MCM9: variants seen among roughly 807,000 people sequenced by gnomAD.
MCM9 encodes the protein DNA helicase MCM9.
In MCM9, 55 loss-of-function variants were observed where a neutral mutation model predicts 72.8. That is an observed-to-expected ratio of 0.76 (90% CI 0.61 to 0.95). MCM9 has a LOEUF of 0.95. Ranked by LOEUF, MCM9 falls within the 40% of genes least tolerant of loss-of-function variation. The pLI, the probability that MCM9 is intolerant of heterozygous loss-of-function variation, is 0.00. For missense variants in MCM9, 1,279 were observed against 1,377.0 expected, an observed-to-expected ratio of 0.93 and a Z score of 1.13; for synonymous variants, 480 against 503.4, an observed-to-expected ratio of 0.95 and a Z score of 0.62.
chr6:118,831,719 T>C (rs1455374563), intron 9 of MCM9, among the ~76,000 whole-genome samples: 1 of 152,168 alleles, frequency 6.6e-6, no homozygotes, highest in Non-Finnish European at 1.5e-5. Flanking sequence ...CACTAAATAC[T>C]AAATGAATGA....
Position 118,885,888 on chromosome 6 carries a change from C to T in MCM9, c.1150+25762G>A, listed in dbSNP as rs553137552. Among the ~76,000 whole-genome samples the T allele has an allele frequency of 1.4e-4, 22 of 152,062 alleles. No homozygotes were observed. The Middle Eastern group carries it at 0.021, about 142-fold the overall frequency. On this transcript the variant is annotated intron_variant, in intron 8 of 13. Coordinates refer to ENST00000619706, the MANE Select transcript of MCM9 (RefSeq NM_017696.3). ...GAATACTAAAGATCAATATCACTTA[C>T]GAATACAGATGCAAAAATCCTCAAC... is the stretch of plus-strand genomic sequence containing the variant.
intron 8 of MCM9, among the ~76,000 whole-genome samples, chr6:118,857,309 T>C (rs1213297202): frequency 1.3e-5 from 2 of 152,214 alleles, no homozygotes; most frequent in Non-Finnish European, 2.9e-5. Flanking sequence ...ATTCTCTTCA[T>C]ATGTCTTGTT....
intron 8 of MCM9, among the ~76,000 whole-genome samples, chr6:118,877,991 A>G (rs1333698157): frequency 6.6e-6 from 1 of 152,068 alleles, no homozygotes; most frequent in East Asian, 1.9e-4. Context: ...GTGAGAGTTC[A>G]TCTCTACAAA....
intron 10 of MCM9, among the ~76,000 whole-genome samples, chr6:118,828,442 G>C (rs1774313898): frequency 6.6e-6 from 1 of 151,748 alleles, no homozygotes; most frequent in Admixed American, 6.6e-5. Flanking sequence ...CTGGAGCGCA[G>C]TAGCACGATC....
chr6:118,869,928 C>T (rs1777490125), intron 8 of MCM9, among the ~76,000 whole-genome samples: 1 of 152,078 alleles, frequency 6.6e-6, no homozygotes, highest in Non-Finnish European at 1.5e-5. Context: ...ATAGTAAGAA[C>T]GGTATCCATC....
intron 8 of MCM9, chr6:118,905,759 T>C (rs1263697530): frequency 2.5e-6 from 4 of 1,613,322 alleles, no homozygotes; most frequent in South Asian, 2.2e-5. Flanking sequence ...GAGTTGGCTA[T>C]TATGTAAATA....
chr6:118,934,102 G>A (rs1385450880), intron 1 of MCM9, among the ~76,000 whole-genome samples: 3 of 152,136 alleles, frequency 2.0e-5, no homozygotes, highest in Non-Finnish European at 4.4e-5. Context: ...GAAAAGGGCA[G>A]CAGCAGAATT....
intron 9 of MCM9, among the ~76,000 whole-genome samples, chr6:118,853,619 G>A (rs1262395058): frequency 6.6e-6 from 1 of 152,072 alleles, no homozygotes; most frequent in East Asian, 1.9e-4. Context: ...GGGCAACATA[G>A]CAAGACCCCA....
chr6:118,870,192 A>T (rs1235801426), intron 8 of MCM9, among the ~76,000 whole-genome samples: 1 of 152,128 alleles, frequency 6.6e-6, no homozygotes, highest in East Asian at 1.9e-4. Context: ...CAACAGCAGT[A>T]GAATACACAT....
At chr6:118,885,878 A>G (rs922205945) in intron 8 of MCM9, among the ~76,000 whole-genome samples, 23 of 152,208 alleles carry the variant, frequency 1.5e-4, no homozygotes, top group Non-Finnish European at 2.4e-4. Context: ...CTAAAGATCA[A>G]TATCACTTAC....
rs1774199499 is a variant in MCM9 at position 118,826,810 on chromosome 6, A to G, written c.1787T>C (p.Val596Ala). ...CATTGAGGACTCCATGACTGACACC[A>G]CCGTAATAGCGTCTTCCAGAGTTAC... ...DTVTLEDAIT[V>A]VSVMESSMQG... Residue 596 changes from valine (V) to alanine (A), a missense_variant, in exon 12 of 14, where the codon GTG (valine) becomes GCG (alanine). Val to Ala is a moderately conservative substitution (Grantham distance 64). Coordinates refer to ENST00000619706, the MANE Select transcript of MCM9 (RefSeq NM_017696.3). The G allele has an allele frequency of 6.5e-7, 1 of 1,550,284 alleles. No homozygotes were observed. Among genetic ancestry groups the G allele is most frequent in the Non-Finnish European group, 8.7e-7 (1 of 1,146,914 alleles).
At chr6:118,857,672 T>TCAGGAATG (rs957833518) in intron 8 of MCM9, among the ~76,000 whole-genome samples, 1 of 134,610 alleles carries the variant, frequency 7.4e-6, no homozygotes, top group African/African-American at 2.8e-5. Context: ...GTTACAAATA[T>TCAGGAATG]CAGGAATGAA....
chr6:118,898,027 C>T (rs766442788), intron 8 of MCM9, among the ~76,000 whole-genome samples: 1 of 152,184 alleles, frequency 6.6e-6, no homozygotes, highest in Non-Finnish European at 1.5e-5. Context: ...TTCCCTTATT[C>T]CACTGCTAAT....
chr6:118,931,700 C>A lies in MCM9; in HGVS notation c.24G>T (p.Leu8=). ...CATATGACTCAAACACTTGACCAAC[C>A]AGTGTAACTTGATCGCTATTCATCT... is the stretch of plus-strand genomic sequence containing the variant. MNSDQVT[L]VGQVFESYVS... is the part of the protein sequence containing the mutation. Residue 8 remains leucine (L), a synonymous_variant, in exon 3 of 14, where the codon CTG becomes CTT. Coordinates refer to ENST00000619706, the MANE Select transcript of MCM9 (RefSeq NM_017696.3). 6.2e-7 allele frequency: 1 copy of A among 1,611,940 alleles called. No individual in the cohort carries two copies. The highest frequency in any genetic ancestry group is 8.5e-7 in the Non-Finnish European group (1 of 1,178,706).
chr6:118,929,363 G>A (rs1188712528), intron 3 of MCM9, among the ~76,000 whole-genome samples: 1 of 152,138 alleles, frequency 6.6e-6, no homozygotes, highest in Non-Finnish European at 1.5e-5. Flanking sequence ...TGACTATATA[G>A]CTGTCTGCCA....
At chr6:118,843,692 A>ATATATATGTATGTATATATATATGTG (rs1554257143) in intron 9 of MCM9, among the ~76,000 whole-genome samples, 3 of 63,792 alleles carry the variant, frequency 4.7e-5, no homozygotes, top group African/African-American at 2.0e-4. Flanking sequence ...ATATGTGTAT[A>ATATATATGTATGTATATATATATGTG]TATATATATA....
chr6:118,922,645 T>C (rs1781524154), intron 4 of MCM9, among the ~76,000 whole-genome samples: 1 of 152,220 alleles, frequency 6.6e-6, no homozygotes, highest in African/African-American at 2.4e-5. Flanking sequence ...GTAGGCACTT[T>C]TGCCTATTGT....
At chr6:118,841,815 C>A (rs973180347) in intron 9 of MCM9, among the ~76,000 whole-genome samples, 18 of 148,894 alleles carry the variant, frequency 1.2e-4, no homozygotes, top group African/African-American at 4.2e-4. Flanking sequence ...GTCTACTGAG[C>A]AAAACAAGAG....
intron 8 of MCM9, among the ~76,000 whole-genome samples, chr6:118,891,177 A>G (rs143701443): frequency 6.6e-6 from 1 of 152,276 alleles, no homozygotes; most frequent in East Asian, 1.9e-4. Context: ...AATTCAAGCT[A>G]TATGCCCAGT....
Sources: allele counts gnomAD v4.1 joint callset (sites outside exome capture counted in the v4.1 genomes callset), GRCh38; gene constraint gnomAD v4.1.1; transcripts MANE v1.5; gene names NCBI Gene and HGNC (gene_info 2026-07-23, HGNC 2026-07-21).